Variants in RPE65 observed in about 807,000 individuals in gnomAD.
The protein encoded by RPE65 is retinoid isomerohydrolase RPE65, also known as retinoid isomerohydrolase.
In RPE65, 58 loss-of-function variants were observed where a neutral mutation model predicts 68.5. The observed-to-expected ratio is 0.85, with a 90% CI of 0.69 to 1.05. The LOEUF is 1.05. RPE65 is among the 50% of genes least tolerant of loss of function. The pLI is 0.00. For synonymous variants in RPE65, 220 were observed against 222.2 expected, an observed-to-expected ratio of 0.99 and a Z score of 0.09; for missense variants, 643 against 629.9, an observed-to-expected ratio of 1.02 and a Z score of -0.22.
Position 68,444,532 on chromosome 1 carries a change from T to A in RPE65, c.494A>T (p.Gln165Leu), listed in dbSNP as rs745338004. The A allele has an allele frequency of 6.2e-7, 1 of 1,614,070 alleles. No homozygotes were observed. Among genetic ancestry groups the A allele is most frequent in the Non-Finnish European group, 8.5e-7 (1 of 1,180,016 alleles). ...INPETLETIK[Q>L]VDLCNYVSVN... ...ACATCACCTAGCACTGTGTCCCACCTGCTTAATTGTCTCCAAGGTCTCTGG... is the reference window on the plus strand; with the variant it reads ...ACATCACCTAGCACTGTGTCCCACCAGCTTAATTGTCTCCAAGGTCTCTGG... Residue 165 changes from glutamine to leucine, a missense_variant and splice_region_variant, in exon 5 of 14, where the codon CAG (glutamine) becomes CTG (leucine). By Grantham distance (113) the Gln-to-Leu change is moderately radical. Coordinates refer to ENST00000262340, the MANE Select transcript of RPE65 (RefSeq NM_000329.3).
chr1:68,449,685 C>T (rs561166804), intron 1 of RPE65, among the ~76,000 whole-genome samples: 35 of 152,246 alleles, frequency 2.3e-4, no homozygotes, highest in African/African-American at 7.5e-4. Flanking sequence ...TTCCAAACCC[C>T]GGGCTAAGTC....
At chr1:68,439,664 A>G (rs548810223) in intron 6 of RPE65, 22 bp from the exon 7 acceptor site, 5 of 1,599,074 alleles carry the variant, frequency 3.1e-6, no homozygotes, top group East Asian at 2.2e-5. Flanking sequence ...TGGTTTTAAA[A>G]GGCTTTGGAA....
chr1:68,443,678 G>T (rs1645919047), intron 5 of RPE65, among the ~76,000 whole-genome samples: 1 of 152,014 alleles, frequency 6.6e-6, no homozygotes, highest in Admixed American at 6.5e-5. Flanking sequence ...TTTCTTAAAA[G>T]ATTTTCCTTC....
intron 10 of RPE65, among the ~76,000 whole-genome samples, chr1:68,434,338 T>C (rs915695619): frequency 2.0e-5 from 3 of 152,010 alleles, no homozygotes; most frequent in African/African-American, 7.2e-5. Flanking sequence ...GGGAGACCAG[T>C]GTCCTTAGGG....
intron 2 of RPE65, among the ~76,000 whole-genome samples, chr1:68,447,706 G>T (rs533780045): frequency 6.6e-6 from 1 of 152,088 alleles, no homozygotes; most frequent in Non-Finnish European, 1.5e-5. Context: ...AAAATTAGCC[G>T]GGCGTGATGG....
intron 12 of RPE65, 30 bp from the exon 13 acceptor site, chr1:68,431,206 C>T: frequency 6.2e-7 from 1 of 1,608,962 alleles, no homozygotes; most frequent in Non-Finnish European, 8.5e-7. Context: ...ATCAATCAAG[C>T]AATCAGTCAA....
intron 10 of RPE65, among the ~76,000 whole-genome samples, chr1:68,435,146 T>C (rs1345247667): frequency 6.6e-6 from 1 of 152,154 alleles, no homozygotes; most frequent in Non-Finnish European, 1.5e-5. Context: ...CGTTACTCTC[T>C]CTTAGTAGGA....
intron 2 of RPE65, 142 bp from the exon 3 acceptor site, chr1:68,447,002 G>A (rs554626139): frequency 1.4e-4 from 152 of 1,071,792 alleles, no homozygotes; most frequent in African/African-American, 2.5e-4. Flanking sequence ...TCCAGCCCTC[G>A]CGCTGGACAG....
In RPE65 at chr1:68,444,656, G is replaced by T. The variant is rs61752877; in HGVS notation, c.370C>A (p.Arg124=). 3.1e-6 allele frequency: 5 copies of T among 1,613,920 alleles called. No individual in the cohort carries two copies. Among genetic ancestry groups the T allele is most frequent in the Admixed American group, 3.3e-5 (2 of 60,002 alleles). Residue 124 remains arginine, a synonymous_variant, in exon 5 of 14, where the codon CGA becomes AGA. Transcript: ENST00000262340. ...GCATTGTCAGTAACCTCTACTCCTC[G>T]AAAGTAAGAAAAAAACCTGTAGAAA... ...NIFSRFFSYF[R]GVEVTDNALV...
chr1:68,444,966 G>T, intron 3 of RPE65, 83 bp from the exon 4 acceptor site: 2 of 1,109,162 alleles, frequency 1.8e-6, no homozygotes, highest in African/African-American at 1.5e-5. Flanking sequence ...GCCATTCTAT[G>T]TGTCCTCATC....
chr1:68,448,881 C>T (rs1299198927), intron 1 of RPE65, among the ~76,000 whole-genome samples, 175 bp from the exon 2 acceptor site: 5 of 23,370 alleles, frequency 2.1e-4, no homozygotes, highest in Admixed American at 6.5e-4. Flanking sequence ...AAGGTGAGGG[C>T]GGGAGGAGCA....
Position 68,429,602 on chromosome 1 carries a change from A to G in RPE65, c.*174T>C. ...ATCTAAATACGTACTTTTTTTTTTA[A>G]ATAAAGGAATTGCTTGCTCAACTCA... On this transcript the variant is annotated 3_prime_UTR_variant, in exon 14 of 14. Coordinates refer to ENST00000262340, the MANE Select transcript of RPE65 (RefSeq NM_000329.3). 1.2e-5 allele frequency: 8 copies of G among 672,934 alleles called. No homozygotes were observed. The South Asian group carries it at 1.5e-4, about 13-fold the overall frequency. 41.7% of individuals were successfully genotyped at this position (672,934 alleles called of 1,614,324 possible). A position where few individuals can be genotyped will look rare whatever the true frequency, so the allele number is the denominator to read the frequency against.
chr1:68,444,931 T>C (rs1398119433), intron 3 of RPE65, 48 bp from the exon 4 acceptor site: 2 of 1,530,648 alleles, frequency 1.3e-6, no homozygotes, highest in Admixed American at 3.4e-5. Context: ...GAGCAATCCG[T>C]ACAGCCCATG....
At chr1:68,446,318 G>C (rs560702140) in intron 3 of RPE65, among the ~76,000 whole-genome samples, 56 of 148,162 alleles carry the variant, frequency 3.8e-4, no homozygotes, top group Non-Finnish European at 7.9e-4. Flanking sequence ...TTATTATGAA[G>C]TGCTTTGTGT....
chr1:68,448,785 G>A (rs1039574622), intron 1 of RPE65, 79 bp from the exon 2 acceptor site: 24 of 1,137,084 alleles, frequency 2.1e-5, no homozygotes, highest in Non-Finnish European at 2.7e-5. Flanking sequence ...CTGCAGGAGA[G>A]AAGGCACTCT....
In RPE65 at chr1:68,429,925, C is replaced by T. The variant is rs1289523859; in HGVS notation, c.1453G>A (p.Val485Ile). ...GGGCTCACCACCACACTCAGAACTA[C>T]ACCTGTTTATCAGAAGTAAATTAGG... ...HPDALEEDDGVVLSVVVSPGA... is the reference protein window; with the variant it reads ...HPDALEEDDGIVLSVVVSPGA... The change falls in exon 14 of 14, where the codon GTA becomes ATA. Residue 485 changes from valine (V) to isoleucine (I), a missense_variant and splice_region_variant. Val to Ile is a conservative substitution (Grantham distance 29, BLOSUM62 3). Coordinates refer to ENST00000262340, the MANE Select transcript of RPE65 (RefSeq NM_000329.3). 3 of 1,613,686 alleles carry T rather than the reference C, an allele frequency of 1.9e-6. No individual in the cohort carries two copies. The highest frequency in any genetic ancestry group is 3.3e-5 in the Admixed American group (2 of 59,970).
chr1:68,438,828 A>C, intron 9 of RPE65, 114 bp downstream of exon 9: 1 of 1,325,494 alleles, frequency 7.5e-7, no homozygotes, highest in Non-Finnish European at 1.1e-6. Flanking sequence ...TTTGACTCTC[A>C]CATAACTCTT....
Position 68,441,248 on chromosome 1 carries a change from G to A in RPE65, c.496-248C>T, listed in dbSNP as rs1377718796. On this transcript the variant is annotated intron_variant, in intron 5 of 13. Transcript: ENST00000262340. Reference sequence around the variant, plus strand: ...CTTTATTTGATGTATACCATACAGTGCTCTGGTTAGTTACTTTTCTTTTAG... The same window carrying A: ...CTTTATTTGATGTATACCATACAGTACTCTGGTTAGTTACTTTTCTTTTAG... Among the ~76,000 whole-genome samples the A allele has an allele frequency of 2.0e-5, 3 of 152,092 alleles. No individual in the cohort carries two copies. The East Asian group carries it at 5.8e-4, about 29-fold the overall frequency.
intron 5 of RPE65, among the ~76,000 whole-genome samples, chr1:68,442,336 A>C (rs563301289): frequency 6.6e-6 from 1 of 152,294 alleles, no homozygotes; most frequent in Non-Finnish European, 1.5e-5. Flanking sequence ...CCTAATGTAA[A>C]TGCATAGACT....
Sources: gnomAD v4.1 joint callset for allele counts (sites outside exome capture counted in the v4.1 genomes callset) on GRCh38, gnomAD v4.1.1 for gene constraint, MANE v1.5 for transcripts, NCBI Gene and HGNC (gene_info 2026-07-23, HGNC 2026-07-21) for gene names.